SLC45A4: variants seen among roughly 807,000 people sequenced by gnomAD.
The protein encoded by SLC45A4 is polyamine-transporter SLC45A4.
SLC45A4 carries 32 observed loss-of-function variants against 63.7 expected under a neutral mutation model. The observed-to-expected ratio is 0.50, with a 90% CI of 0.38 to 0.67. The LOEUF is 0.67. Ranked by LOEUF, SLC45A4 falls within the 30% of genes least tolerant of loss-of-function variation. The probability of loss-of-function intolerance (pLI) is 0.00; values close to 1 mark genes in which losing one functional copy is unlikely to be tolerated. For missense variants in SLC45A4, 1,027 were observed against 1,157.7 expected (o/e 0.89, Z 1.64); for synonymous variants, 535 against 510.0 (o/e 1.05, Z -0.66).
rs532318501 is a variant in SLC45A4 at position 141,207,760 on chromosome 8, G to A, written c.*3812C>T. On this transcript the variant is annotated 3_prime_UTR_variant, in exon 9 of 9. Coordinates refer to ENST00000517878, the MANE Select transcript of SLC45A4 (RefSeq NM_001286646.2). ...GCTCAGTCCTCCTGGAGGACCCAAGGAGGGGCTGGCCAAGGGGCCACCTTG... is the reference window on the plus strand; with the variant it reads ...GCTCAGTCCTCCTGGAGGACCCAAGAAGGGGCTGGCCAAGGGGCCACCTTG... 6.6e-6 allele frequency: 1 copy of A among 152,424 alleles called. No homozygotes were observed. The highest frequency in any genetic ancestry group is 1.9e-4 in the East Asian group (1 of 5,188). The allele number at this position is 152,424 out of a possible 1,614,324, so 9.4% of individuals were successfully genotyped here.
intron 1 of SLC45A4, among the ~76,000 whole-genome samples, chr8:141,273,892 A>G (rs1829630786): frequency 6.6e-6 from 1 of 152,206 alleles, no homozygotes; most frequent in South Asian, 2.1e-4. Flanking sequence ...GGGAAGTATG[A>G]CGGATATTTC....
At chr8:141,219,256 C>G (rs1053505429) in intron 4 of SLC45A4, among the ~76,000 whole-genome samples, 1 of 152,258 alleles carries the variant, frequency 6.6e-6, no homozygotes, top group Admixed American at 6.5e-5. Context: ...GAAGGGCAGA[C>G]TACCCCAGGA....
intron 3 of SLC45A4, among the ~76,000 whole-genome samples, chr8:141,220,688 T>C (rs1826563415): frequency 6.6e-6 from 1 of 152,222 alleles, no homozygotes; most frequent in African/African-American, 2.4e-5. Flanking sequence ...AGGTGGTCCT[T>C]GCTGGCCTCC....
At chr8:141,261,098 C>T (rs577500542) in intron 1 of SLC45A4, among the ~76,000 whole-genome samples, 3 of 152,198 alleles carry the variant, frequency 2.0e-5, no homozygotes, top group East Asian at 1.9e-4. Context: ...TGTAATCCAG[C>T]GTATAAACAC....
intron 2 of SLC45A4, among the ~76,000 whole-genome samples, chr8:141,248,125 G>C: frequency 6.6e-6 from 1 of 152,206 alleles, no homozygotes; most frequent in Non-Finnish European, 1.5e-5. Context: ...CTACACTCCA[G>C]CCCAGGCAAT....
intron 1 of SLC45A4, among the ~76,000 whole-genome samples, chr8:141,263,683 T>C (rs1829135905): frequency 6.6e-6 from 1 of 150,448 alleles, no homozygotes; most frequent in Non-Finnish European, 1.5e-5. Flanking sequence ...AGCAGGAGAA[T>C]TGCTTGAACC....
In SLC45A4 at chr8:141,278,612, C is replaced by G. The variant is rs1829823379; in HGVS notation, c.-400-23983G>C. 6.6e-6 allele frequency among the ~76,000 whole-genome samples: 1 copy of G among 152,262 alleles called. No individual in the cohort carries two copies. The highest frequency in any genetic ancestry group is 1.5e-5 in the Non-Finnish European group (1 of 68,042). On this transcript the variant is annotated intron_variant, in intron 1 of 8. Transcript: ENST00000517878. The surrounding 1 kb of genome is among the most constrained non-coding windows in gnomAD (Gnocchi z 4.1). ...GAGAGACAGGCCTCTGCCCCCTAGCCACCAGCAGCTGAGTGCTGACCACAG... is the reference window on the plus strand; with the variant it reads ...GAGAGACAGGCCTCTGCCCCCTAGCGACCAGCAGCTGAGTGCTGACCACAG...
At chr8:141,230,953 G>C (rs1174275676) in intron 2 of SLC45A4, among the ~76,000 whole-genome samples, 1 of 152,068 alleles carries the variant, frequency 6.6e-6, no homozygotes, top group East Asian at 1.9e-4. Flanking sequence ...CCTGCTCCGG[G>C]GACGCTGTGC....
intron 1 of SLC45A4, among the ~76,000 whole-genome samples, chr8:141,285,667 T>A (rs1830114208): frequency 6.6e-6 from 1 of 152,196 alleles, no homozygotes; most frequent in Admixed American, 6.5e-5. Context: ...AGCGCCGCCC[T>A]GGGATAACGA....
At chr8:141,226,707 C>T (rs996297261) in intron 2 of SLC45A4, 1 of 152,316 alleles carries the variant, frequency 6.6e-6, no homozygotes, top group Non-Finnish European at 1.5e-5. Context: ...CAGTGTCTGT[C>T]TCATTCTTCC....
chr8:141,236,088 A>G (rs1827613411), intron 2 of SLC45A4, among the ~76,000 whole-genome samples: 1 of 152,202 alleles, frequency 6.6e-6, no homozygotes, highest in Admixed American at 6.5e-5. Context: ...TGGGCGACAG[A>G]GCAAGACTCC....
chr8:141,241,284 A>T (rs945555923), intron 2 of SLC45A4, among the ~76,000 whole-genome samples: 2 of 152,228 alleles, frequency 1.3e-5, no homozygotes, highest in African/African-American at 4.8e-5. Flanking sequence ...AACGTGGTGG[A>T]CACAGAACCA....
rs1224234112 is a variant in SLC45A4, at chr8:141,212,447, C to A, written c.2051G>T (p.Gly684Val). The change falls in exon 8 of 9, where the codon GGC becomes GTC. Residue 684 changes from glycine to valine, a missense_variant. Gly to Val is a moderately radical substitution (Grantham distance 109). Transcript: ENST00000517878. ...GACAGTCCCCACGGCGTCGACCACG[C>A]CCCCAAGGGCAGAGGCCACCAGGAT... ...SQILVASALGGVVDAVGTVRV... is the reference protein window; with the variant it reads ...SQILVASALGVVVDAVGTVRV... The A allele has an allele frequency of 6.2e-7, 1 of 1,613,704 alleles. No homozygotes were observed. The highest frequency in any genetic ancestry group is 1.3e-5 in the African/African-American group (1 of 74,928).
At chr8:141,219,271 T>C (rs3824234) in intron 4 of SLC45A4, among the ~76,000 whole-genome samples, 100,877 of 152,260 alleles carry the variant, frequency 0.66, 34,247 homozygotes, top group East Asian at 0.82. Context: ...CCAGGACGGA[T>C]GCAAGTGTGC....
intron 1 of SLC45A4, among the ~76,000 whole-genome samples, chr8:141,261,947 C>T (rs923907476): frequency 2.4e-4 from 36 of 152,232 alleles, no homozygotes; most frequent in Admixed American, 1.3e-3. Flanking sequence ...GGAGGCATCA[C>T]GCTACCTGAC....
chr8:141,245,073 A>C (rs1828117876), intron 2 of SLC45A4, among the ~76,000 whole-genome samples: 1 of 151,848 alleles, frequency 6.6e-6, no homozygotes, highest in Non-Finnish European at 1.5e-5. Flanking sequence ...GGCCCTCGAC[A>C]AGTTACCACC....
intron 2 of SLC45A4, among the ~76,000 whole-genome samples, chr8:141,247,525 A>G (rs373608511): frequency 2.0e-5 from 3 of 151,298 alleles, no homozygotes; most frequent in East Asian, 1.9e-4. Flanking sequence ...GTAGAAATTG[A>G]TAACTCTAAA....
intron 1 of SLC45A4, among the ~76,000 whole-genome samples, chr8:141,306,957 G>C (rs1225519914): frequency 1.3e-5 from 2 of 152,212 alleles, no homozygotes; most frequent in African/African-American, 2.4e-5. Context: ...GACAAGCCCT[G>C]TTTTGCTGGA....
chr8:141,271,268 CA>C (rs1368843237), intron 1 of SLC45A4, among the ~76,000 whole-genome samples: 1 of 152,210 alleles, frequency 6.6e-6, no homozygotes, highest in African/African-American at 2.4e-5. Flanking sequence ...ATGCTGGTGG[CA>C]AGGCCCCTGC....
Sources: allele counts gnomAD v4.1 joint callset (sites outside exome capture counted in the v4.1 genomes callset), GRCh38; gene constraint gnomAD v4.1.1; non-coding constraint Gnocchi (gnomAD v3.1); transcripts MANE v1.5; gene names NCBI Gene and HGNC (gene_info 2026-07-23, HGNC 2026-07-21).